The following JAK1 variants were observed in gnomAD, a reference collection of about 807,000 sequenced individuals.
JAK1 encodes Janus kinase 1, also known as tyrosine-protein kinase JAK1.
A neutral mutation model predicts 136.6 loss-of-function variants in JAK1; 16 were observed. The observed-to-expected ratio is 0.12, with a 90% CI of 0.08 to 0.18. JAK1 has a LOEUF of 0.18. Ranked by LOEUF, JAK1 falls within the 10% of genes least tolerant of loss-of-function variation. JAK1 has a pLI of 1.00. For synonymous variants in JAK1, 492 were observed against 519.5 expected (o/e 0.95, Z 0.72); for missense variants, 859 against 1,450.1 (o/e 0.59, Z 6.62).
In JAK1 at chr1:64,844,042, G is replaced by A. The variant is rs776793838; in HGVS notation, c.2403+22C>T. 12 of 1,612,436 alleles carry A rather than the reference G, an allele frequency of 7.4e-6. No homozygotes were observed. The highest frequency in any genetic ancestry group is 3.7e-4 in the Middle Eastern group (2 of 5,412). On this transcript the variant is annotated intron_variant, in intron 17 of 24. Transcript: ENST00000342505. This position sits in a 1 kb window ranked among gnomAD's most constrained non-coding sequence, Gnocchi z 5.7. ...ACCTGAAAGCCCTCACTTGCCTCAC[G>A]CCCCGGGAAACACCTGCTCACCTCA...
In JAK1 at chr1:64,857,701, G is replaced by T; in HGVS notation, c.1413C>A (p.Asp471Glu). 1.2e-6 allele frequency: 2 copies of T among 1,614,200 alleles called. No individual in the cohort carries two copies. Among genetic ancestry groups the T allele is most frequent in the Non-Finnish European group, 1.7e-6 (2 of 1,180,044 alleles). ...GMYVLRWSCT[D>E]FDNILMTVTC... is the part of the protein sequence containing the mutation. The stretch of plus-strand genomic sequence containing the variant: ...TGACGGTCATGAGGATGTTGTCAAA[G>T]TCGGTGCAGCTCCACCTCAGCACGT... The change falls in exon 10 of 25, where the codon GAC becomes GAA. Residue 471 changes from aspartate (D) to glutamate (E), a missense_variant. Physicochemically the swap from Asp to Glu is conservative, Grantham distance 45. Around this residue, in one of 4 missense-constraint regions of JAK1, gnomAD observed 409 missense variants for 753.8 expected, o/e 0.54. Coordinates refer to ENST00000342505, the MANE Select transcript of JAK1 (RefSeq NM_002227.4).
At chr1:64,845,394 G>T in intron 15 of JAK1, 119 bp downstream of exon 15, 2 of 1,140,286 alleles carry the variant, frequency 1.8e-6, no homozygotes, top group Non-Finnish European at 2.6e-6. Flanking sequence ...CAGAGCCCTG[G>T]CCCCATGGAA....
At chr1:64,992,369 G>C (rs1008800362) in intron 2 of JAK1, 37 of 151,176 alleles carry the variant, frequency 2.4e-4, no homozygotes, top group African/African-American at 7.8e-4. Flanking sequence ...AACAGAGTGA[G>C]AGTCGGTCTC....
chr1:64,838,067 C>T lies in JAK1; in HGVS notation c.3005G>A (p.Arg1002Gln), dbSNP rs1340186470. 4.3e-6 allele frequency: 7 copies of T among 1,614,102 alleles called. No homozygotes were observed. Among genetic ancestry groups the T allele is most frequent in the Admixed American group, 1.7e-5 (1 of 60,018 alleles). The stretch of plus-strand genomic sequence containing the variant: ...AAGGACATTTCTTGCTGCCAAGTCC[C>T]GGTGAACGTATTGCCGAGAACCCAA... ...DYLGSRQYVHRDLAARNVLVE... is the reference protein window; with the variant it reads ...DYLGSRQYVHQDLAARNVLVE... Residue 1002 changes from arginine (R) to glutamine (Q), a missense_variant, in exon 22 of 25, where the codon CGG becomes CAG. Transcript: ENST00000342505.
chr1:65,012,863 GC>G (rs1646860625), intron 2 of JAK1, among the ~76,000 whole-genome samples: 1 of 151,536 alleles, frequency 6.6e-6, no homozygotes, highest in African/African-American at 2.4e-5. Context: ...GGAGGCCAAG[GC>G]AGGCGGATCA....
chr1:65,055,867 G>C (rs1647511287), intron 1 of JAK1, among the ~76,000 whole-genome samples: 1 of 152,194 alleles, frequency 6.6e-6, no homozygotes, highest in African/African-American at 2.4e-5. Context: ...CCAACACTCA[G>C]TTCTTCAACA....
chr1:64,918,834 A>G (rs1645444335), intron 1 of JAK1, among the ~76,000 whole-genome samples: 1 of 152,174 alleles, frequency 6.6e-6, no homozygotes, highest in Non-Finnish European at 1.5e-5. Context: ...CAAATAACTG[A>G]AACTTGAAAA....
intron 2 of JAK1, among the ~76,000 whole-genome samples, chr1:65,012,768 G>A (rs1225099889): frequency 6.7e-6 from 1 of 149,146 alleles, no homozygotes; most frequent in Non-Finnish European, 1.5e-5. Flanking sequence ...CTGTACTCCA[G>A]CCTGAGTGAC....
At chr1:64,839,490 GC>G (rs1654752290) in intron 20 of JAK1, 112 bp downstream of exon 20, 5 of 858,036 alleles carry the variant, frequency 5.8e-6, no homozygotes, top group Non-Finnish European at 9.1e-6. Flanking sequence ...GGAACCACCA[GC>G]TAGCATGTCA....
At chr1:64,909,047 T>TCTACTG (rs1395067071) in intron 1 of JAK1, among the ~76,000 whole-genome samples, 1 of 152,236 alleles carries the variant, frequency 6.6e-6, no homozygotes, top group Non-Finnish European at 1.5e-5. Context: ...GAACTGAGAT[T>TCTACTG]CTACTGCTAC....
chr1:64,989,000 G>GTATATATA (rs1343195557), intron 2 of JAK1, among the ~76,000 whole-genome samples: 25 of 91,862 alleles, frequency 2.7e-4, no homozygotes, highest in Non-Finnish European at 4.6e-4. Context: ...GTGTGTGTGT[G>GTATATATA]TGTATATATA....
intron 1 of JAK1, among the ~76,000 whole-genome samples, chr1:64,961,233 G>A (rs11589406): frequency 0.014 from 2,166 of 152,288 alleles, 28 homozygotes; most frequent in Middle Eastern, 0.024. Context: ...GAAAAGCATG[G>A]ATGAACTTCA....
At chr1:64,987,653 G>A (rs1646612800) in intron 2 of JAK1, 2 of 152,224 alleles carry the variant, frequency 1.3e-5, no homozygotes, top group Non-Finnish European at 2.9e-5. Flanking sequence ...GCAGGATGAT[G>A]CCTCTAAGTC....
intron 2 of JAK1, chr1:65,002,617 G>A (rs1646769194): frequency 1.3e-5 from 2 of 152,322 alleles, no homozygotes; most frequent in African/African-American, 4.8e-5. Context: ...GGCCACCCCG[G>A]AGGGCTCCAG....
At chr1:64,958,114 A>G (rs1479445577) in intron 1 of JAK1, among the ~76,000 whole-genome samples, 1 of 152,200 alleles carries the variant, frequency 6.6e-6, no homozygotes, top group African/African-American at 2.4e-5. Context: ...TTGTTCTCAC[A>G]TACAGTGAGA....
Position 64,984,650 on chromosome 1 carries a change from T to C in JAK1, c.-78+59830A>G, listed in dbSNP as rs1646580798. ...TCCTTAGCAGGCTGGATACTGTTCA[T>C]CTCCATGACACAGTCCTTCCAGATC... On this transcript the variant is annotated intron_variant, in intron 2 of 25. Coordinates refer to the JAK1 transcript ENST00000671954. This position sits in a 1 kb window ranked among gnomAD's most constrained non-coding sequence, Gnocchi z 4.1. The C allele has an allele frequency of 5.6e-6, 3 of 534,440 alleles. No individual in the cohort carries two copies. The highest frequency in any genetic ancestry group is 1.1e-5 in the Non-Finnish European group (3 of 284,418). 33.1% of individuals were successfully genotyped at this position (534,440 alleles called of 1,614,324 possible).
intron 2 of JAK1, among the ~76,000 whole-genome samples, chr1:65,008,849 G>T (rs1646825092): frequency 6.6e-6 from 1 of 152,040 alleles, no homozygotes; most frequent in South Asian, 2.1e-4. Flanking sequence ...CCACATGCCT[G>T]GCTAATTTTT....
chr1:64,975,569 C>T (rs1646491169), intron 2 of JAK1, among the ~76,000 whole-genome samples: 1 of 152,244 alleles, frequency 6.6e-6, no homozygotes, highest in African/African-American at 2.4e-5. Context: ...TCAGGCCCAA[C>T]CTGGTTCACA....
At chr1:64,945,528 T>C (rs1645968677) in intron 1 of JAK1, among the ~76,000 whole-genome samples, 1 of 151,778 alleles carries the variant, frequency 6.6e-6, no homozygotes, top group African/African-American at 2.4e-5. Context: ...GGATATATGG[T>C]AAAATGAAAA....
Sources: allele counts gnomAD v4.1 joint callset (sites outside exome capture counted in the v4.1 genomes callset), GRCh38; gene constraint gnomAD v4.1.1; regional missense constraint gnomAD v4.1.1; non-coding constraint Gnocchi (gnomAD v3.1); transcripts MANE v1.5; gene names NCBI Gene and HGNC (gene_info 2026-07-23, HGNC 2026-07-21).